HS3ST5: variants seen among roughly 807,000 people sequenced by gnomAD.
The protein encoded by HS3ST5 is heparan sulfate glucosamine 3-O-sulfotransferase 5.
In HS3ST5, 10 loss-of-function variants were observed where a neutral mutation model predicts 25.4. That is an observed-to-expected ratio of 0.39 (90% confidence interval 0.24 to 0.67). The LOEUF (loss-of-function observed/expected upper bound fraction) is 0.67, where lower values mean the gene tolerates loss of function less well. HS3ST5 is among the 30% of genes least tolerant of loss of function. HS3ST5 has a pLI of 0.44. For missense variants in HS3ST5, 324 were observed against 420.7 expected, an observed-to-expected ratio of 0.77 and a Z score of 2.01; for synonymous variants, 170 against 162.4, an observed-to-expected ratio of 1.05 and a Z score of -0.36.
intron 1 of HS3ST5, among the ~76,000 whole-genome samples, chr6:114,330,700 A>G (rs1776358692): frequency 6.6e-6 from 1 of 152,104 alleles, no homozygotes; most frequent in Non-Finnish European, 1.5e-5. Context: ...TACCTTGGAG[A>G]GCCAAGACCC....
At chr6:114,166,485 A>G (rs1160115281) in intron 3 of HS3ST5, among the ~76,000 whole-genome samples, 1 of 152,196 alleles carries the variant, frequency 6.6e-6, no homozygotes, top group Non-Finnish European at 1.5e-5. Flanking sequence ...TTTCAAATAG[A>G]ATAAAATAAT....
At chr6:114,105,006 AT>A (rs963157775) in intron 3 of HS3ST5, among the ~76,000 whole-genome samples, 34 of 150,514 alleles carry the variant, frequency 2.3e-4, no homozygotes, top group Non-Finnish European at 4.1e-4. Flanking sequence ...TGACCTGGTG[AT>A]TTTTTTTTTC....
intron 3 of HS3ST5, among the ~76,000 whole-genome samples, chr6:114,154,589 G>T (rs1778610000): frequency 6.6e-6 from 1 of 152,128 alleles, no homozygotes; most frequent in Non-Finnish European, 1.5e-5. Flanking sequence ...TCCTTGAGGG[G>T]CTTGTACCAG....
chr6:114,248,217 A>AATAT lies in HS3ST5; in HGVS notation c.-338-19443_-338-19440dup, dbSNP rs34339841. Reference sequence around the variant, plus strand: ...TTCCATCTCAAAAAATGAAAAAAAAAATATATATATATATATATATAAAAT... The same window carrying AATAT: ...TTCCATCTCAAAAAATGAAAAAAAAAATATATATATATATATATATATATAAAAT... On this transcript the variant is annotated intron_variant, in intron 1 of 4. Transcript: ENST00000312719. 1.6e-3 allele frequency among the ~76,000 whole-genome samples: 222 copies of AATAT among 143,144 alleles called. 1 individual carries two copies. Among genetic ancestry groups the AATAT allele is most frequent in the South Asian group, 9.2e-3 (42 of 4,588 alleles). 93.9% of individuals were successfully genotyped at this position (143,144 alleles called of 152,430 possible). A position where few individuals can be genotyped will look rare whatever the true frequency, so the allele number is the denominator to read the frequency against.
At chr6:114,154,355 A>G (rs1778598134) in intron 3 of HS3ST5, among the ~76,000 whole-genome samples, 1 of 152,124 alleles carries the variant, frequency 6.6e-6, no homozygotes, top group African/African-American at 2.4e-5. Context: ...AAGAGAAGCA[A>G]GGTGGTAAAA....
At chr6:114,071,112 C>A (rs1303928741) in intron 3 of HS3ST5, among the ~76,000 whole-genome samples, 1 of 152,242 alleles carries the variant, frequency 6.6e-6, no homozygotes, top group Non-Finnish European at 1.5e-5. Flanking sequence ...ATACACAGAA[C>A]AACTTGCAGT....
At chr6:114,279,523 T>C (rs1250939810) in intron 1 of HS3ST5, among the ~76,000 whole-genome samples, 1 of 152,060 alleles carries the variant, frequency 6.6e-6, no homozygotes, top group African/African-American at 2.4e-5. Flanking sequence ...TTGTTGCAAT[T>C]GCAGTGAGAT....
intron 3 of HS3ST5, among the ~76,000 whole-genome samples, chr6:114,087,108 C>T (rs139467178): frequency 1.5e-3 from 223 of 152,210 alleles, no homozygotes; most frequent in African/African-American, 5.2e-3. Flanking sequence ...TAGGTCTCTG[C>T]GGCAAAGTGG....
chr6:114,216,763 T>C (rs1582725890), intron 2 of HS3ST5, among the ~76,000 whole-genome samples: 1 of 131,476 alleles, frequency 7.6e-6, no homozygotes, highest in Admixed American at 7.7e-5. Flanking sequence ...AAAAGAAAAC[T>C]GAAAGTGCAG....
At chr6:114,060,910 C>A (rs1193194389) in intron 4 of HS3ST5, among the ~76,000 whole-genome samples, 2 of 152,042 alleles carry the variant, frequency 1.3e-5, no homozygotes, top group East Asian at 3.9e-4. Context: ...GTATGGGTCC[C>A]AGACTGAAAA....
At chr6:114,086,618 C>T (rs943606419) in intron 3 of HS3ST5, among the ~76,000 whole-genome samples, 5 of 152,222 alleles carry the variant, frequency 3.3e-5, no homozygotes, top group African/African-American at 1.2e-4. Context: ...ACCTAAAGAA[C>T]TATCTGCTAA....
intron 3 of HS3ST5, among the ~76,000 whole-genome samples, chr6:114,130,735 A>C (rs1245960336): frequency 6.6e-6 from 1 of 152,078 alleles, no homozygotes; most frequent in East Asian, 1.9e-4. Flanking sequence ...ACACCTGGCT[A>C]ATTTTTTGTA....
chr6:114,317,470 T>C (rs2114866122), intron 1 of HS3ST5, among the ~76,000 whole-genome samples: 1 of 152,270 alleles, frequency 6.6e-6, no homozygotes, highest in South Asian at 2.1e-4. Context: ...AGTCTTAAAA[T>C]CACAATAAGG....
intron 1 of HS3ST5, among the ~76,000 whole-genome samples, chr6:114,328,814 G>C (rs1298639207): frequency 6.6e-6 from 1 of 152,170 alleles, no homozygotes; most frequent in Non-Finnish European, 1.5e-5. Flanking sequence ...GCTTGATATT[G>C]AGAGGGTGGG....
At chr6:114,193,876 TG>T (rs1269928501) in intron 2 of HS3ST5, among the ~76,000 whole-genome samples, 4 of 152,132 alleles carry the variant, frequency 2.6e-5, no homozygotes, top group Non-Finnish European at 5.9e-5. Flanking sequence ...AATCTATTCC[TG>T]GGGGCAGCTT....
chr6:114,089,153 A>G (rs1041146676), intron 3 of HS3ST5: 3 of 152,264 alleles, frequency 2.0e-5, no homozygotes, highest in Non-Finnish European at 2.9e-5. Flanking sequence ...TCAGAATAGT[A>G]GTATTTTCAT....
At chr6:114,289,472 A>G (rs574472516) in intron 1 of HS3ST5, among the ~76,000 whole-genome samples, 6 of 152,276 alleles carry the variant, frequency 3.9e-5, no homozygotes, top group Admixed American at 1.3e-4. Context: ...TTATTTTTAA[A>G]TGGCCCCAGT....
At chr6:114,133,612 A>G (rs1777455379) in intron 3 of HS3ST5, among the ~76,000 whole-genome samples, 1 of 152,238 alleles carries the variant, frequency 6.6e-6, no homozygotes, top group African/African-American at 2.4e-5. Context: ...TCAGTCAGTC[A>G]GCATTTATTG....
rs34370810 is a variant in HS3ST5, at chr6:114,184,054, C to CTTTTTT, written c.-144-15598_-144-15593dup. Among the ~76,000 whole-genome samples the CTTTTTT allele has an allele frequency of 5.3e-3, 415 of 78,752 alleles. 3 individuals carry two copies. The highest frequency in any genetic ancestry group is 6.9e-3 in the Non-Finnish European group (307 of 44,680). 51.7% of individuals were successfully genotyped at this position (78,752 alleles called of 152,430 possible). ...AGAAGATTTCTTTTCTTTTTCCTTT[C>CTTTTTT]TTTTTTTTTTTTTTTTTTTTTTTTT... On this transcript the variant is annotated intron_variant, in intron 2 of 4. Coordinates refer to ENST00000312719, the MANE Select transcript of HS3ST5 (RefSeq NM_153612.4).
Sources: allele counts gnomAD v4.1 joint callset (sites outside exome capture counted in the v4.1 genomes callset), GRCh38; gene constraint gnomAD v4.1.1; transcripts MANE v1.5; gene names NCBI Gene and HGNC (gene_info 2026-07-23, HGNC 2026-07-21).